DHX34: variants seen among roughly 807,000 people sequenced by gnomAD.
DHX34 encodes probable ATP-dependent RNA helicase DHX34.
A neutral mutation model predicts 111.1 loss-of-function variants in DHX34; 96 were observed. The ratio of observed to expected loss-of-function variants is 0.86; its 90% CI spans 0.73 to 1.02. The LOEUF (loss-of-function observed/expected upper bound fraction) is 1.02. DHX34 is among the 50% of genes least tolerant of loss of function. The pLI is 0.00. For synonymous variants in DHX34, 688 were observed against 670.4 expected (o/e 1.03, Z -0.41); for missense variants, 1,560 against 1,579.9 (o/e 0.99, Z 0.21).
chr19:47,369,928 A>C (rs987293214), intron 7 of DHX34, among the ~76,000 whole-genome samples: 2 of 152,060 alleles, frequency 1.3e-5, no homozygotes, highest in Non-Finnish European at 2.9e-5. Flanking sequence ...TCCTGATCTC[A>C]GGTCTTCAGT....
At chr19:47,369,616 C>T (rs1969905628) in intron 7 of DHX34, among the ~76,000 whole-genome samples, 1 of 152,154 alleles carries the variant, frequency 6.6e-6, no homozygotes, top group Non-Finnish European at 1.5e-5. Context: ...CTGATTGCTG[C>T]TCAGGTGGAT....
chr19:47,350,420 A>ATTTTT (rs113841688), intron 1 of DHX34, among the ~76,000 whole-genome samples: 1 of 137,780 alleles, frequency 7.3e-6, no homozygotes, highest in African/African-American at 2.7e-5. Flanking sequence ...ACAAAAATGA[A>ATTTTT]TTTTTTTTTT....
In DHX34 at chr19:47,353,351, C is replaced by T. The variant is rs1322575378; in HGVS notation, c.321C>T (p.Asn107=). The part of the protein sequence containing the change: ...PRTYDPRYRI[N]LSVLGPATRG... ...CTTACGACCCACGTTACCGCATCAA[C>T]CTCTCTGTTCTTGGCCCTGCCACGC... is the stretch of plus-strand genomic sequence containing the variant. Residue 107 remains asparagine, a synonymous_variant, in exon 2 of 17, where the codon AAC becomes AAT. Transcript: ENST00000328771. The surrounding 1 kb of genome is among the most constrained non-coding windows in gnomAD (Gnocchi z 4.6). The T allele has an allele frequency of 5.0e-6, 8 of 1,614,088 alleles. No homozygotes were observed. The highest frequency in any genetic ancestry group is 5.1e-6 in the Non-Finnish European group (6 of 1,180,050).
Position 47,382,014 on chromosome 19 carries a change from G to C in DHX34, c.3333G>C (p.Lys1111Asn). Residue 1111 changes from lysine (K) to asparagine (N), a missense_variant, in exon 17 of 17, where the codon AAG (lysine) becomes AAC (asparagine). Transcript: ENST00000328771. ...AAGCTGCCCTCGAAACCCTCCAGAAGACATCTGTCCTGCAGAGGCCCTACC... is the reference window on the plus strand; with the variant it reads ...AAGCTGCCCTCGAAACCCTCCAGAACACATCTGTCCTGCAGAGGCCCTACC... ...AEEAALETLQ[K>N]TSVLQRPYHC... 6.2e-7 allele frequency: 1 copy of C among 1,614,104 alleles called. No homozygotes were observed. The highest frequency in any genetic ancestry group is 1.3e-5 in the African/African-American group (1 of 75,036).
intron 7 of DHX34, among the ~76,000 whole-genome samples, chr19:47,367,935 A>G (rs1159848466): frequency 9.9e-5 from 15 of 151,540 alleles, no homozygotes; most frequent in East Asian, 3.9e-4. Flanking sequence ...AACAGGTGAG[A>G]TTCATTTTGA....
chr19:47,353,015 A>G lies in DHX34; in HGVS notation c.-16A>G. The G allele has an allele frequency of 6.2e-7, 1 of 1,603,452 alleles. No individual in the cohort carries two copies. Among genetic ancestry groups the G allele is most frequent in the Non-Finnish European group, 8.5e-7 (1 of 1,172,458 alleles). On this transcript the variant is annotated 5_prime_UTR_variant, in exon 2 of 17. Transcript: ENST00000328771. This position sits in a 1 kb window ranked among gnomAD's most constrained non-coding sequence, Gnocchi z 4.6. ...TTGGGTGATCAGAACTGAGACTCCT[A>G]TTGTGGATTAGTAACATGCCTCCTC...
At chr19:47,377,665 C>T (rs865913968) in intron 13 of DHX34, among the ~76,000 whole-genome samples, 21 of 151,614 alleles carry the variant, frequency 1.4e-4, no homozygotes, top group Middle Eastern at 3.2e-3. Flanking sequence ...TGCACAGAGG[C>T]TCCGAGGCAG....
chr19:47,357,403 A>G (rs1969488515), intron 3 of DHX34, among the ~76,000 whole-genome samples: 1 of 152,092 alleles, frequency 6.6e-6, no homozygotes, highest in Non-Finnish European at 1.5e-5. Context: ...TTTTTATTAC[A>G]TCCTTCAGAA....
chr19:47,366,072 C>A (rs955418375), intron 6 of DHX34, among the ~76,000 whole-genome samples: 1 of 152,088 alleles, frequency 6.6e-6, no homozygotes, highest in African/African-American at 2.4e-5. Context: ...AATAAGATAG[C>A]CTTCCATCCT....
chr19:47,356,601 C>T (rs932875510), intron 3 of DHX34, among the ~76,000 whole-genome samples: 3 of 150,462 alleles, frequency 2.0e-5, no homozygotes, highest in Non-Finnish European at 4.4e-5. Flanking sequence ...TGCACTCCAC[C>T]CTGGGAACAG....
At chr19:47,352,032 T>C (rs764360320) in intron 1 of DHX34, among the ~76,000 whole-genome samples, 38 of 152,246 alleles carry the variant, frequency 2.5e-4, no homozygotes, top group Non-Finnish European at 5.1e-4. Flanking sequence ...CCTTGCCTTA[T>C]TCTTTTCATT....
chr19:47,377,027 G>A (rs779930393), intron 12 of DHX34, 73 bp from the exon 13 acceptor site: 87 of 1,609,590 alleles, frequency 5.4e-5, no homozygotes, highest in Non-Finnish European at 5.7e-5. Context: ...ACTTTGACCG[G>A]GTGGGACAGG....
intron 7 of DHX34, among the ~76,000 whole-genome samples, chr19:47,369,687 C>T (rs532783521): frequency 1.3e-5 from 2 of 152,158 alleles, no homozygotes; most frequent in East Asian, 3.9e-4. Context: ...CCTGGGAGGC[C>T]AATTAACAGT....
chr19:47,367,895 C>CAAAAAAAAAAAAAAA (rs1226350533), intron 7 of DHX34, among the ~76,000 whole-genome samples: 1 of 46,172 alleles, frequency 2.2e-5, no homozygotes. Context: ...GACTCCATCT[C>CAAAAAAAAAAAAAAA]AAAAAAAAAA....
intron 1 of DHX34, among the ~76,000 whole-genome samples, chr19:47,349,970 C>G (rs556606242): frequency 2.0e-5 from 3 of 152,048 alleles, no homozygotes; most frequent in South Asian, 4.2e-4. Flanking sequence ...ATGTAACACT[C>G]GGCTACTCAC....
rs1168461560 is a variant in DHX34 at position 47,362,464 on chromosome 19, G to T, written c.1376-12G>T. The T allele has an allele frequency of 6.4e-7, 1 of 1,551,484 alleles. No homozygotes were observed. The highest frequency in any genetic ancestry group is 8.7e-7 in the Non-Finnish European group (1 of 1,146,406). ...CACACACAGACTCCCTTTCCTCATT[G>T]CTCCCATCCAGGAAAGGTGAAGGAG... is the stretch of plus-strand genomic sequence containing the variant. On this transcript the variant is annotated splice_polypyrimidine_tract_variant and intron_variant, in intron 5 of 16. Coordinates refer to ENST00000328771, the MANE Select transcript of DHX34 (RefSeq NM_014681.6).
chr19:47,376,625 C>T lies in DHX34; in HGVS notation c.2599+65C>T, dbSNP rs1354987753. The T allele has an allele frequency of 4.6e-6, 7 of 1,523,714 alleles. No individual in the cohort carries two copies. In the South Asian group the frequency reaches 5.0e-5, roughly 11 times the overall value. The allele number at this position is 1,523,714 out of a possible 1,614,324, so 94.4% of individuals were successfully genotyped here. On this transcript the variant is annotated intron_variant, in intron 12 of 16. Coordinates refer to ENST00000328771, the MANE Select transcript of DHX34 (RefSeq NM_014681.6). ...GTGAGGGGCAGGGATACCGTGAACT[C>T]CCAGGCCCCTCTGGCTGGGGCTCCC...
intron 10 of DHX34, 22 bp from the exon 11 acceptor site, chr19:47,375,902 T>C: frequency 1.9e-6 from 3 of 1,588,730 alleles, no homozygotes; most frequent in Non-Finnish European, 2.6e-6. Context: ...CCTAAGACTC[T>C]GCCTCCCCGT....
chr19:47,380,130 C>T (rs1207875135), intron 14 of DHX34, 145 bp downstream of exon 14: 6 of 1,360,472 alleles, frequency 4.4e-6, no homozygotes, highest in Non-Finnish European at 5.9e-6. Flanking sequence ...CAGTCACTTA[C>T]ACAAGGTCAC....
Sources: gnomAD v4.1 joint callset for allele counts (sites outside exome capture counted in the v4.1 genomes callset) on GRCh38, gnomAD v4.1.1 for gene constraint, Gnocchi (gnomAD v3.1) non-coding constraint, MANE v1.5 for transcripts, NCBI Gene and HGNC (gene_info 2026-07-23, HGNC 2026-07-21) for gene names.